Variants in DOCK2 observed in about 807,000 individuals in gnomAD.
DOCK2 encodes dedicator of cytokinesis protein 2.
A neutral mutation model predicts 248.9 loss-of-function variants in DOCK2; 87 were observed. That is an observed-to-expected ratio of 0.35 (90% CI 0.29 to 0.42). The LOEUF is 0.42. Among genes scored for constraint, DOCK2 ranks in the 10% least tolerant of loss-of-function variants. DOCK2 has a pLI of 1.00. For synonymous variants in DOCK2, 805 were observed against 821.6 expected (o/e 0.98, Z 0.35); for missense variants, 1,747 against 2,300.2 (o/e 0.76, Z 4.92).
Position 170,041,134 on chromosome 5 carries a change from T to C in DOCK2, c.3745T>C (p.Trp1249Arg), listed in dbSNP as rs139639543. The change falls in exon 37 of 52, where the codon TGG becomes CGG. Residue 1249 changes from tryptophan to arginine, a missense_variant. Transcript: ENST00000520908. ...EAAYTLLLHT[W>R]LLKWSDEQCA... Reference sequence around the variant, plus strand: ...TGCCTACACGCTCCTTCTCCACACCTGGCTTCTCAAGGTACAGTCACTTTG... The same window carrying C: ...TGCCTACACGCTCCTTCTCCACACCCGGCTTCTCAAGGTACAGTCACTTTG... 1.2e-5 allele frequency: 20 copies of C among 1,614,046 alleles called. No individual in the cohort carries two copies. In the African/African-American group the frequency reaches 2.5e-4, roughly 20 times the overall value.
At chr5:169,981,101 C>T (rs865804003) in intron 27 of DOCK2, among the ~76,000 whole-genome samples, 17 of 152,184 alleles carry the variant, frequency 1.1e-4, no homozygotes, top group Admixed American at 2.6e-4. Context: ...TAAACAAGGG[C>T]TTTGCATTTT....
chr5:169,676,775 C>A (rs1759357411), intron 6 of DOCK2, among the ~76,000 whole-genome samples: 1 of 152,182 alleles, frequency 6.6e-6, no homozygotes, highest in African/African-American at 2.4e-5. Context: ...GAGCTTGTTT[C>A]TTCTCTCATT....
intron 13 of DOCK2, among the ~76,000 whole-genome samples, chr5:169,701,048 C>T (rs1315109301): frequency 2.0e-5 from 3 of 152,174 alleles, no homozygotes; most frequent in Non-Finnish European, 4.4e-5. Context: ...CTGATGTTAA[C>T]AATCAGTCAC....
At chr5:169,747,632 A>G (rs923796271) in intron 23 of DOCK2, 128 bp downstream of exon 23, 4 of 733,392 alleles carry the variant, frequency 5.5e-6, no homozygotes, top group Admixed American at 3.3e-5. Flanking sequence ...GCTGGCCACT[A>G]GGTTAAAGAC....
chr5:169,981,356 C>T (rs779866718), intron 27 of DOCK2, among the ~76,000 whole-genome samples: 32 of 152,088 alleles, frequency 2.1e-4, no homozygotes, highest in Non-Finnish European at 3.8e-4. Context: ...AGGCATACCT[C>T]GTTTTATTAT....
intron 44 of DOCK2, among the ~76,000 whole-genome samples, chr5:170,064,221 C>T (rs899414444): frequency 6.6e-5 from 10 of 152,030 alleles, no homozygotes; most frequent in Admixed American, 1.3e-4. Context: ...CCAACACAGA[C>T]ACTGAAGGAA....
chr5:169,874,203 A>C (rs1423514929), intron 27 of DOCK2, among the ~76,000 whole-genome samples: 1 of 152,132 alleles, frequency 6.6e-6, no homozygotes, highest in African/African-American at 2.4e-5. Context: ...ACTTGAGGTC[A>C]GGGGTTCAAG....
At chr5:169,693,758 C>G (rs1760441323) in intron 9 of DOCK2, among the ~76,000 whole-genome samples, 1 of 152,102 alleles carries the variant, frequency 6.6e-6, no homozygotes, top group East Asian at 1.9e-4. Context: ...GGAAACAGAA[C>G]CCATGGAATA....
At chr5:169,736,477 G>A (rs1295389317) in intron 22 of DOCK2, among the ~76,000 whole-genome samples, 1 of 152,172 alleles carries the variant, frequency 6.6e-6, no homozygotes, top group Non-Finnish European at 1.5e-5. Context: ...CTAAACCCTA[G>A]AAGTCCACAC....
chr5:169,907,737 GGTTT>G (rs1774365311), intron 27 of DOCK2, among the ~76,000 whole-genome samples: 1 of 152,150 alleles, frequency 6.6e-6, no homozygotes, highest in Non-Finnish European at 1.5e-5. Context: ...CTAGAGCAGT[GGTTT>G]TCAACTAGGG....
At chr5:169,840,953 A>T (rs1366302341) in intron 27 of DOCK2, 101 bp downstream of exon 27, 3 of 1,317,764 alleles carry the variant, frequency 2.3e-6, no homozygotes, top group Admixed American at 2.0e-5. Context: ...AGCATTGATC[A>T]TTGCTTTGTT....
intron 27 of DOCK2, among the ~76,000 whole-genome samples, chr5:169,861,201 A>C (rs1007720420): frequency 5.9e-5 from 9 of 152,214 alleles, no homozygotes; most frequent in African/African-American, 2.2e-4. Context: ...TATAGAAGCA[A>C]TTATAATGAA....
rs755691445 is a variant in DOCK2, at chr5:169,684,239, C to T, written c.650C>T (p.Ser217Leu). ...TATGCAATGTATTCCCGGATCTCCT[C>T]ATCCCCCACCCATAGCCTCTATGTG... is the stretch of plus-strand genomic sequence containing the variant. ...PDYAMYSRIS[S>L]SPTHSLYVFV... Residue 217 changes from serine (S) to leucine (L), a missense_variant, in exon 8 of 52, where the codon TCA becomes TTA. Ser to Leu is a moderately radical substitution (Grantham distance 145, BLOSUM62 -2). This residue lies in a region of DOCK2 where 375 missense variants were observed against 510.9 expected (regional missense o/e 0.73). Coordinates refer to ENST00000520908, the MANE Select transcript of DOCK2 (RefSeq NM_004946.3). 20 of 1,614,072 alleles carry T rather than the reference C, an allele frequency of 1.2e-5. No individual in the cohort carries two copies. In the East Asian group the frequency reaches 3.8e-4, roughly 31 times the overall value.
At chr5:169,785,842 A>G (rs1228213722) in intron 25 of DOCK2, among the ~76,000 whole-genome samples, 3 of 152,070 alleles carry the variant, frequency 2.0e-5, no homozygotes, top group Non-Finnish European at 4.4e-5. Context: ...ATGCTCCTTC[A>G]TTGGAAAATT....
chr5:169,760,820 T>C (rs538252213), intron 24 of DOCK2, among the ~76,000 whole-genome samples: 1 of 152,310 alleles, frequency 6.6e-6, no homozygotes, highest in African/African-American at 2.4e-5. Context: ...TCTCTGCGCT[T>C]TGCCTGTCTC....
At chr5:169,707,471 A>G (rs975654536) in intron 14 of DOCK2, among the ~76,000 whole-genome samples, 4 of 152,198 alleles carry the variant, frequency 2.6e-5, no homozygotes, top group Non-Finnish European at 4.4e-5. Context: ...GTGTGTACAC[A>G]TGTCTGTCAT....
At chr5:169,861,497 T>G (rs1771193040) in intron 27 of DOCK2, among the ~76,000 whole-genome samples, 1 of 152,246 alleles carries the variant, frequency 6.6e-6, no homozygotes, top group Admixed American at 6.5e-5. Context: ...CTACATAAAC[T>G]CCTGCAATTT....
chr5:170,045,134 C>T (rs1756656306), intron 38 of DOCK2, among the ~76,000 whole-genome samples: 2 of 151,976 alleles, frequency 1.3e-5, no homozygotes, highest in Admixed American at 1.3e-4. Flanking sequence ...CCCCTTCCAC[C>T]TCTATGCTAC....
At chr5:169,830,370 A>G (rs1449791497) in intron 26 of DOCK2, among the ~76,000 whole-genome samples, 1 of 152,200 alleles carries the variant, frequency 6.6e-6, no homozygotes, top group Non-Finnish European at 1.5e-5. Flanking sequence ...AAAATGGGGT[A>G]ATACTTATCC....
Sources: allele counts gnomAD v4.1 joint callset (sites outside exome capture counted in the v4.1 genomes callset), GRCh38; gene constraint gnomAD v4.1.1; regional missense constraint gnomAD v4.1.1; transcripts MANE v1.5; gene names NCBI Gene and HGNC (gene_info 2026-07-23, HGNC 2026-07-21).